Variants in CAPN7 observed in about 807,000 individuals in gnomAD.
CAPN7 encodes the protein calpain-7.
CAPN7 carries 72 observed loss-of-function variants against 115.2 expected under a neutral mutation model. The ratio of observed to expected loss-of-function variants is 0.63; its 90% CI spans 0.52 to 0.76. CAPN7 has a LOEUF of 0.76. CAPN7 is among the 30% of genes least tolerant of loss of function. CAPN7 has a pLI of 0.00. For missense variants in CAPN7, 905 were observed against 971.5 expected (o/e 0.93, Z 0.91); for synonymous variants, 344 against 322.3 (o/e 1.07, Z -0.72).
chr3:15,238,879 C>G lies in CAPN7; in HGVS notation c.1408-1594C>G, dbSNP rs183718497. On this transcript the variant is annotated intron_variant, in intron 12 of 20. Transcript: ENST00000253693. Reference sequence around the variant, plus strand: ...TTTTTTTTTTTTTTTTTTTTGTTCTCTAGCATTCCTTCTTTTTAGAGCTGG... The same window carrying G: ...TTTTTTTTTTTTTTTTTTTTGTTCTGTAGCATTCCTTCTTTTTAGAGCTGG... 6.8e-3 allele frequency among the ~76,000 whole-genome samples: 475 copies of G among 69,630 alleles called. 3 individuals are homozygous for G. Among genetic ancestry groups the G allele is most frequent in the Non-Finnish European group, 0.011 (411 of 38,836 alleles). 45.7% of individuals were successfully genotyped at this position (69,630 alleles called of 152,430 possible).
chr3:15,229,553 CTTTTTTTCTTTTTTTTT>C (rs1359411332), intron 8 of CAPN7, among the ~76,000 whole-genome samples: 22 of 88,300 alleles, frequency 2.5e-4, no homozygotes, highest in African/African-American at 8.4e-4. Context: ...ATTGGTTTTA[CTTTTTTTCTTTTTTTTT>C]TTTTTTTTTT....
intron 12 of CAPN7, among the ~76,000 whole-genome samples, chr3:15,236,044 A>G (rs7649367): frequency 0.12 from 17,931 of 152,080 alleles, 3,517 homozygotes; most frequent in African/African-American, 0.4. Flanking sequence ...GGTGCCATAT[A>G]TCTATAATTC....
intron 2 of CAPN7, 83 bp from the exon 3 acceptor site, chr3:15,217,342 A>C: frequency 8.3e-7 from 1 of 1,212,114 alleles, no homozygotes; most frequent in Admixed American, 2.9e-5. Flanking sequence ...TTTTGGTAAA[A>C]AATGTCTTAA....
chr3:15,248,126 GTAAC>G (rs1448460198), intron 19 of CAPN7, among the ~76,000 whole-genome samples: 2 of 151,904 alleles, frequency 1.3e-5, no homozygotes, highest in Non-Finnish European at 2.9e-5. Context: ...GTATACATAT[GTAAC>G]TAACCTGCAC....
chr3:15,210,334 G>T (rs1342742955), intron 1 of CAPN7, among the ~76,000 whole-genome samples: 1 of 151,842 alleles, frequency 6.6e-6, no homozygotes, highest in East Asian at 1.9e-4. Context: ...GATAACTGAA[G>T]GGGCAATATA....
chr3:15,249,184 C>T (rs556619082), intron 19 of CAPN7, among the ~76,000 whole-genome samples: 1 of 152,264 alleles, frequency 6.6e-6, no homozygotes, highest in Non-Finnish European at 1.5e-5. Context: ...TTTAAAACCT[C>T]TACCAGTTTG....
In CAPN7 at chr3:15,225,659, T is replaced by A. The variant is rs553098876; in HGVS notation, c.725+2098T>A. Among the ~76,000 whole-genome samples the A allele has an allele frequency of 4.7e-3, 714 of 152,354 alleles. 6 individuals carry two copies. Among genetic ancestry groups the A allele is most frequent in the African/African-American group, 0.017 (690 of 41,584 alleles). On this transcript the variant is annotated intron_variant, in intron 6 of 20. Transcript: ENST00000253693. ...TTTTTTTTCTCTTTAAGGTGATTAC[T>A]TGCTTAATGCTTGTCTGCTACTCTA...
At position 15,240,486 on chromosome 3, in the gene CAPN7, T is replaced by C; in HGVS notation, c.1421T>C (p.Ile474Thr). 1 of 1,610,530 alleles carries C rather than the reference T, an allele frequency of 6.2e-7. No individual in the cohort carries two copies. Among genetic ancestry groups the C allele is most frequent in the Non-Finnish European group, 8.5e-7 (1 of 1,179,340 alleles). Residue 474 changes from isoleucine to threonine, a missense_variant, in exon 13 of 21, where the codon ATC (isoleucine) becomes ACC (threonine). Ile to Thr is a moderately conservative substitution (Grantham distance 89, BLOSUM62 -1). Coordinates refer to ENST00000253693, the MANE Select transcript of CAPN7 (RefSeq NM_014296.3). ...TTTTTTATATAGGGGCTGCGATTTA[T>C]CCAGTTGAAAAATCCTTGGAGTCAT... ...DIREFKGLRF[I>T]QLKNPWSHLR... is the part of the protein sequence containing the mutation.
chr3:15,227,974 T>A lies in CAPN7; in HGVS notation c.852+9T>A. The A allele has an allele frequency of 7.0e-7, 1 of 1,422,010 alleles. No individual in the cohort carries two copies. Among genetic ancestry groups the A allele is most frequent in the South Asian group, 1.7e-5 (1 of 57,166 alleles). 88.1% of individuals were successfully genotyped at this position (1,422,010 alleles called of 1,614,324 possible). A position where few individuals can be genotyped will look rare whatever the true frequency, so the allele number is the denominator to read the frequency against. The stretch of plus-strand genomic sequence containing the variant: ...GTTTTAGCATAAAGCAGGTGAGCAT[T>A]TATTTTGTATGATTTTATAGAAAAG... On this transcript the variant is annotated intron_variant, in intron 7 of 20. Coordinates refer to ENST00000253693, the MANE Select transcript of CAPN7 (RefSeq NM_014296.3).
At chr3:15,210,333 AGGG>A (rs1449763004) in intron 1 of CAPN7, among the ~76,000 whole-genome samples, 1 of 152,126 alleles carries the variant, frequency 6.6e-6, no homozygotes, top group Non-Finnish European at 1.5e-5. Flanking sequence ...AGATAACTGA[AGGG>A]GCAATATATG....
chr3:15,239,859 C>G (rs1306330182), intron 12 of CAPN7, among the ~76,000 whole-genome samples: 1 of 152,132 alleles, frequency 6.6e-6, no homozygotes, highest in Non-Finnish European at 1.5e-5. Context: ...CTATGTCTGT[C>G]TGCACTGAGA....
At chr3:15,240,716 TAAGA>T in intron 13 of CAPN7, 34 bp from the exon 14 acceptor site, 1 of 1,570,110 alleles carries the variant, frequency 6.4e-7, no homozygotes, top group Non-Finnish European at 8.7e-7. Context: ...CATTTAGCAT[TAAGA>T]TTTTTTTAGA....
At chr3:15,236,115 G>A (rs1184541061) in intron 12 of CAPN7, among the ~76,000 whole-genome samples, 1 of 152,190 alleles carries the variant, frequency 6.6e-6, no homozygotes, top group East Asian at 1.9e-4. Context: ...AGGCTGCATT[G>A]AGCCATGATC....
At chr3:15,225,069 A>G (rs1009923715) in intron 6 of CAPN7, among the ~76,000 whole-genome samples, 6 of 152,210 alleles carry the variant, frequency 3.9e-5, no homozygotes, top group Non-Finnish European at 5.9e-5. Flanking sequence ...TGGGGATAAT[A>G]ATAGAAACTA....
At chr3:15,210,769 G>T in intron 1 of CAPN7, 4 of 1,288,620 alleles carry the variant, frequency 3.1e-6, no homozygotes, top group Non-Finnish European at 4.0e-6. Context: ...ATGTTGCCCA[G>T]GCTGAAAACT....
chr3:15,251,128 C>T lies in CAPN7; in HGVS notation c.2310C>T (p.Cys770=). Residue 770 remains cysteine, a synonymous_variant, in exon 21 of 21, where the codon TGC becomes TGT. Transcript: ENST00000253693. The part of the protein sequence containing the change: ...KSSGDYRCGF[C]YLELENIPSG... ...TCTCTAAATATAGGTGTGGGTTTTGCTACCTGGAATTAGAAAATATACCTT... is the reference window on the plus strand; with the variant it reads ...TCTCTAAATATAGGTGTGGGTTTTGTTACCTGGAATTAGAAAATATACCTT... 1 of 1,605,778 alleles carries T rather than the reference C, an allele frequency of 6.2e-7. No individual in the cohort carries two copies. The highest frequency in any genetic ancestry group is 8.5e-7 in the Non-Finnish European group (1 of 1,176,228).
rs1457124072 is a variant in CAPN7 at position 15,217,594 on chromosome 3, T to C, written c.369+12T>C. ...TCTGTCTGAAAACAGTGTGTATAGC[T>C]ACAAATTACGTTTGATGAGTTATGC... On this transcript the variant is annotated intron_variant, in intron 3 of 20. Coordinates refer to ENST00000253693, the MANE Select transcript of CAPN7 (RefSeq NM_014296.3). 1.1e-5 allele frequency: 18 copies of C among 1,597,772 alleles called. No individual in the cohort carries two copies. The highest frequency in any genetic ancestry group is 1.5e-5 in the Non-Finnish European group (18 of 1,172,080).
chr3:15,223,657 A>C (rs1057041445), intron 6 of CAPN7, 96 bp downstream of exon 6: 5 of 792,842 alleles, frequency 6.3e-6, no homozygotes, highest in East Asian at 2.6e-5. Context: ...ATTTGTAATA[A>C]AAAAATTTGT....
intron 4 of CAPN7, among the ~76,000 whole-genome samples, chr3:15,219,696 T>C (rs563232977): frequency 6.6e-6 from 1 of 152,344 alleles, no homozygotes; most frequent in South Asian, 2.1e-4. Flanking sequence ...TTGCATATAA[T>C]TTCAGAGTTT....
Sources: gnomAD v4.1 joint callset for allele counts (sites outside exome capture counted in the v4.1 genomes callset) on GRCh38, gnomAD v4.1.1 for gene constraint, MANE v1.5 for transcripts, NCBI Gene and HGNC (gene_info 2026-07-23, HGNC 2026-07-21) for gene names.